The following NFX1 variants were observed in gnomAD, a reference collection of about 807,000 sequenced individuals.
NFX1 encodes the protein transcriptional repressor NF-X1.
NFX1 carries 69 observed loss-of-function variants against 137.2 expected under a neutral mutation model. The observed-to-expected ratio is 0.50, with a 90% CI of 0.41 to 0.61. The LOEUF is 0.61. NFX1 is among the 20% of genes least tolerant of loss of function. The pLI is 0.00. For synonymous variants in NFX1, 495 were observed against 474.1 expected (o/e 1.04, Z -0.57); for missense variants, 1,167 against 1,391.0 (o/e 0.84, Z 2.56).
At chr9:33,369,870 G>C in intron 23 of NFX1, 36 bp from the exon 24 acceptor site, 1 of 1,518,262 alleles carries the variant, frequency 6.6e-7, no homozygotes, top group South Asian at 1.1e-5. Flanking sequence ...TTCCCCCAAA[G>C]AAGAAAAGAC....
In NFX1 at chr9:33,370,951, A is replaced by C. The variant is rs1333491864; in HGVS notation, c.*973A>C. The C allele has an allele frequency of 6.6e-6, 1 of 152,192 alleles. No homozygotes were observed. The highest frequency in any genetic ancestry group is 6.5e-5 in the Admixed American group (1 of 15,278). The allele number at this position is 152,192 out of a possible 1,614,324, so 9.4% of individuals were successfully genotyped here. ...GGGCTTATGCCCAGCAGCCCACTGG[A>C]GGCATTCTTCAGGCTCCTTTAAGGC... On this transcript the variant is annotated 3_prime_UTR_variant, in exon 24 of 24. Transcript: ENST00000379540.
chr9:33,325,781 A>G (rs1425669226), intron 9 of NFX1, among the ~76,000 whole-genome samples: 1 of 152,236 alleles, frequency 6.6e-6, no homozygotes, highest in Non-Finnish European at 1.5e-5. Flanking sequence ...CTTGCCTTAC[A>G]GTAAGTACTA....
intron 5 of NFX1, among the ~76,000 whole-genome samples, chr9:33,309,201 T>C (rs1425898283): frequency 6.6e-6 from 1 of 151,744 alleles, no homozygotes; most frequent in Non-Finnish European, 1.5e-5. Context: ...ACTAAAAATA[T>C]AAAAAATTAG....
At chr9:33,320,344 C>A (rs1587838283) in intron 9 of NFX1, among the ~76,000 whole-genome samples, 1 of 152,178 alleles carries the variant, frequency 6.6e-6, no homozygotes, top group Admixed American at 6.5e-5. Context: ...TCTCATTGAC[C>A]CAGAGTCATC....
Position 33,344,179 on chromosome 9 carries a change from G to T in NFX1, c.2335G>T (p.Asp779Tyr). The change falls in exon 14 of 24, where the codon GAC (aspartate) becomes TAC (tyrosine). Residue 779 changes from aspartate (D) to tyrosine (Y), a missense_variant. By Grantham distance (160) the Asp-to-Tyr change is radical (BLOSUM62 -3). Coordinates refer to ENST00000379540, the MANE Select transcript of NFX1 (RefSeq NM_002504.6). Reference sequence around the variant, plus strand: ...AACCTGCGCTAGAGTCCATGAGTGTGACCATCCAGGTGAGTACCAACTTGT... The same window carrying T: ...AACCTGCGCTAGAGTCCATGAGTGTTACCATCCAGGTGAGTACCAACTTGT... Reference protein sequence around the residue: ...TQTCARVHECDHPVYHSCHSE... With the variant: ...TQTCARVHECYHPVYHSCHSE... The T allele has an allele frequency of 1.2e-6, 2 of 1,613,916 alleles. No individual in the cohort carries two copies. Among genetic ancestry groups the T allele is most frequent in the South Asian group, 1.1e-5 (1 of 91,058 alleles).
chr9:33,351,434 A>G lies in NFX1; in HGVS notation c.2425-126A>G, dbSNP rs1207398140. On this transcript the variant is annotated intron_variant, in intron 15 of 23. Coordinates refer to ENST00000379540, the MANE Select transcript of NFX1 (RefSeq NM_002504.6). Reference sequence around the variant, plus strand: ...GCACTCCAGCCTGGGCAACAGTGAAACCCTATATCCGAAAACAAAACAAAA... The same window carrying G: ...GCACTCCAGCCTGGGCAACAGTGAAGCCCTATATCCGAAAACAAAACAAAA... 47 of 864,812 alleles carry G rather than the reference A, an allele frequency of 5.4e-5. No individual in the cohort carries two copies. The South Asian group carries it at 7.6e-4, about 14-fold the overall frequency. 53.6% of individuals were successfully genotyped at this position (864,812 alleles called of 1,614,324 possible).
chr9:33,351,840 C>T, intron 16 of NFX1, 50 bp downstream of exon 16: 2 of 1,461,772 alleles, frequency 1.4e-6, no homozygotes, highest in Middle Eastern at 2.0e-4. Context: ...TCTGAGGCTA[C>T]TAGTGAATCC....
chr9:33,294,596 G>C lies in NFX1; in HGVS notation c.202G>C (p.Val68Leu), dbSNP rs779078004. The change falls in exon 2 of 24, where the codon GTT (valine) becomes CTT (leucine). Residue 68 changes from valine to leucine, a missense_variant. By Grantham distance (32) the Val-to-Leu change is conservative. Around this residue, in one of 3 missense-constraint regions of NFX1, gnomAD observed 367 missense variants for 386.7 expected, o/e 0.95. Transcript: ENST00000379540. ...GGTCCCTTATGATGAAATCTCTGCT[G>C]TTCATCAGCATAGTTATCATCCGTC... ...RQVPYDEISA[V>L]HQHSYHPSGS... The C allele has an allele frequency of 1.7e-5, 27 of 1,614,010 alleles. No homozygotes were observed. In the East Asian group the frequency reaches 4.5e-4, roughly 27 times the overall value.
chr9:33,366,499 A>C, intron 21 of NFX1, 130 bp from the exon 22 acceptor site: 2 of 1,083,264 alleles, frequency 1.8e-6, no homozygotes, highest in Non-Finnish European at 2.6e-6. Context: ...CAGTTAGTAA[A>C]ATGCTCTATG....
intron 11 of NFX1, 130 bp from the exon 12 acceptor site, chr9:33,338,380 C>T: frequency 1.2e-6 from 1 of 832,676 alleles, no homozygotes; most frequent in Non-Finnish European, 1.9e-6. Context: ...ACAAAAAAAA[C>T]TGCATTTACA....
At chr9:33,362,630 T>C (rs844238) in intron 19 of NFX1, among the ~76,000 whole-genome samples, 1 of 150,834 alleles carries the variant, frequency 6.6e-6, no homozygotes, top group African/African-American at 2.5e-5. Flanking sequence ...AAAAGGGAGG[T>C]TGAGGAGAGG....
At chr9:33,329,197 G>T (rs1011425692) in intron 10 of NFX1, among the ~76,000 whole-genome samples, 1 of 152,194 alleles carries the variant, frequency 6.6e-6, no homozygotes, top group African/African-American at 2.4e-5. Context: ...TCCTTTCCCT[G>T]TGGAGTCAGG....
chr9:33,302,608 C>T (rs1450009881), intron 3 of NFX1, among the ~76,000 whole-genome samples: 1 of 151,634 alleles, frequency 6.6e-6, no homozygotes, highest in Non-Finnish European at 1.5e-5. Flanking sequence ...CTGCATCAGC[C>T]TCCTAAAATG....
chr9:33,352,757 G>C, intron 17 of NFX1, 38 bp downstream of exon 17: 2 of 1,522,122 alleles, frequency 1.3e-6, no homozygotes, highest in Non-Finnish European at 1.8e-6. Context: ...GATGGCCTAG[G>C]TGAAACAGAT....
chr9:33,335,129 A>G (rs1292249451), intron 11 of NFX1, among the ~76,000 whole-genome samples: 1 of 152,008 alleles, frequency 6.6e-6, no homozygotes, highest in Non-Finnish European at 1.5e-5. Flanking sequence ...ACCATTTTAA[A>G]TGTACAGTTC....
chr9:33,348,164 C>T (rs1349852666), intron 15 of NFX1: 1 of 151,264 alleles, frequency 6.6e-6, no homozygotes, highest in Non-Finnish European at 1.5e-5. Flanking sequence ...GCCTGGCCAA[C>T]AAGGTGAGAC....
In NFX1 at chr9:33,292,923, A is replaced by G. The variant is rs866455174; in HGVS notation, c.26-1497A>G. On this transcript the variant is annotated intron_variant, in intron 1 of 23. Transcript: ENST00000379540. ...AACCTTTAAATTATCTTATGTTTCC[A>G]GAATACCTCTGCCACCCTCTGCATT... Among the ~76,000 whole-genome samples the G allele has an allele frequency of 8.5e-5, 13 of 152,322 alleles. 1 individual carries two copies. The highest frequency in any genetic ancestry group is 4.1e-4 in the South Asian group (2 of 4,826).
intron 23 of NFX1, among the ~76,000 whole-genome samples, 185 bp downstream of exon 23, chr9:33,367,804 G>A (rs1476097863): frequency 6.6e-6 from 1 of 152,216 alleles, no homozygotes; most frequent in Non-Finnish European, 1.5e-5. Context: ...GGGGTCCTAA[G>A]TTTGTTGTTT....
At chr9:33,320,109 C>G (rs1052623923) in intron 9 of NFX1, among the ~76,000 whole-genome samples, 2 of 151,472 alleles carry the variant, frequency 1.3e-5, no homozygotes, top group Non-Finnish European at 2.9e-5. Context: ...TTACAGGCAC[C>G]TGCAATCATG....
Sources: gnomAD v4.1 joint callset for allele counts (sites outside exome capture counted in the v4.1 genomes callset) on GRCh38, gnomAD v4.1.1 for gene constraint, gnomAD v4.1.1 regional missense constraint, MANE v1.5 for transcripts, NCBI Gene and HGNC (gene_info 2026-07-23, HGNC 2026-07-21) for gene names.